ZNF385D: variants seen among roughly 807,000 people sequenced by gnomAD.
ZNF385D encodes zinc finger protein 659.
Under a neutral mutation model 35.8 loss-of-function variants are expected in ZNF385D, and 15 were observed. That is an observed-to-expected ratio of 0.42 (90% CI 0.28 to 0.64). The LOEUF (loss-of-function observed/expected upper bound fraction) is 0.64. Among genes scored for constraint, ZNF385D ranks in the 30% least tolerant of loss-of-function variants. The probability of loss-of-function intolerance (pLI) is 0.23; values close to 1 mark genes in which losing one functional copy is unlikely to be tolerated. For missense variants in ZNF385D, 474 were observed against 494.6 expected, an observed-to-expected ratio of 0.96 and a Z score of 0.39; for synonymous variants, 212 against 186.8, an observed-to-expected ratio of 1.13 and a Z score of -1.10.
rs183047692 is a variant in ZNF385D at position 21,550,996 on chromosome 3, T to C, written c.276+13578A>G. ...GTTACTTTATTATAGTTCAATAATA[T>C]GAATTTCTGTTTACACTTTTGACAT... is the stretch of plus-strand genomic sequence containing the variant. On this transcript the variant is annotated intron_variant, in intron 3 of 7. Coordinates refer to ENST00000281523, the MANE Select transcript of ZNF385D (RefSeq NM_024697.3). Among the ~76,000 whole-genome samples the C allele has an allele frequency of 1.4e-3, 217 of 152,332 alleles. 1 individual carries two copies. Among genetic ancestry groups the C allele is most frequent in the African/African-American group, 5.1e-3 (214 of 41,570 alleles).
intron 2 of ZNF385D, among the ~76,000 whole-genome samples, chr3:22,214,483 G>C (rs1697731329): frequency 6.6e-6 from 1 of 152,110 alleles, no homozygotes; most frequent in Non-Finnish European, 1.5e-5. Context: ...CGCTGAGCCA[G>C]GCGGAACAGA....
chr3:21,628,460 C>T (rs887604901), intron 2 of ZNF385D, among the ~76,000 whole-genome samples: 2 of 151,560 alleles, frequency 1.3e-5, no homozygotes, highest in Non-Finnish European at 2.9e-5. Flanking sequence ...CTAAAGGGTA[C>T]TCTTGGAGAA....
At chr3:22,123,989 TTGCTGACTGAACTCATCC>T (rs1469553445) in intron 3 of ZNF385D, among the ~76,000 whole-genome samples, 2 of 142,082 alleles carry the variant, frequency 1.4e-5, no homozygotes, top group Admixed American at 7.2e-5. Context: ...TATATATATA[TTGCTGACTGAACTCATCC>T]TGTTGTGCAA....
chr3:22,167,319 T>C (rs1414633711), intron 3 of ZNF385D, among the ~76,000 whole-genome samples: 1 of 152,140 alleles, frequency 6.6e-6, no homozygotes, highest in Non-Finnish European at 1.5e-5. Context: ...CACTCACAAA[T>C]ATATCAGCAT....
At position 21,782,555 on chromosome 3, in the gene ZNF385D, C is replaced by T. The variant is rs1418602341; in HGVS notation, c.326-117527G>A. 4.6e-5 allele frequency among the ~76,000 whole-genome samples: 7 copies of T among 152,182 alleles called. No individual in the cohort carries two copies. The East Asian group carries it at 9.7e-4, about 21-fold the overall frequency. ...TGTCATTTGTGTCTCCTTTTCCAAA[C>T]TGTATTTACCTTTAAACCTCTCCAG... On this transcript the variant is annotated intron_variant, in intron 3 of 5. Coordinates refer to the ZNF385D transcript ENST00000494108.
rs148278730 is a variant in ZNF385D at position 22,105,725 on chromosome 3, A to G, written c.325+63092T>C. ...ACCTTTTTGTTCTATTAAGGTCCTC[A>G]ATGATTGGGTGATGCCTACCAACAT... On this transcript the variant is annotated intron_variant, in intron 3 of 5. Coordinates refer to the ZNF385D transcript ENST00000494108. 5.3e-3 allele frequency among the ~76,000 whole-genome samples: 813 copies of G among 152,162 alleles called. 8 individuals are homozygous for G. The highest frequency in any genetic ancestry group is 0.018 in the African/African-American group (754 of 41,528).
At chr3:21,478,694 G>T (rs1428587328) in intron 4 of ZNF385D, among the ~76,000 whole-genome samples, 1 of 152,128 alleles carries the variant, frequency 6.6e-6, no homozygotes, top group Non-Finnish European at 1.5e-5. Context: ...TCAGATACTT[G>T]AAGTAGGATT....
At chr3:22,140,132 A>G (rs921957741) in intron 3 of ZNF385D, among the ~76,000 whole-genome samples, 1 of 152,240 alleles carries the variant, frequency 6.6e-6, no homozygotes, top group Admixed American at 6.6e-5. Context: ...ATTTCCTCAC[A>G]GAACTCTGTA....
chr3:21,439,448 T>C (rs943592281), intron 4 of ZNF385D, among the ~76,000 whole-genome samples: 13 of 152,114 alleles, frequency 8.5e-5, no homozygotes, highest in Admixed American at 5.2e-4. Flanking sequence ...ATACAGATAT[T>C]ATATTTAAAC....
intron 2 of ZNF385D, among the ~76,000 whole-genome samples, chr3:22,290,674 A>G (rs1343990954): frequency 6.6e-6 from 1 of 152,150 alleles, no homozygotes; most frequent in Non-Finnish European, 1.5e-5. Context: ...TGTCTTCAAC[A>G]AAGAACACTT....
chr3:21,684,000 T>C (rs2066999849), intron 1 of ZNF385D, among the ~76,000 whole-genome samples: 1 of 149,968 alleles, frequency 6.7e-6, no homozygotes, highest in South Asian at 2.1e-4. Context: ...TACAAAACTA[T>C]AAGCTAATAA....
chr3:21,973,763 C>T (rs1703419520), intron 3 of ZNF385D, among the ~76,000 whole-genome samples: 1 of 151,744 alleles, frequency 6.6e-6, no homozygotes, highest in East Asian at 1.9e-4. Context: ...AAAATCAGTA[C>T]CATTTCTATA....
intron 3 of ZNF385D, among the ~76,000 whole-genome samples, chr3:21,840,473 T>G (rs1233385566): frequency 6.6e-6 from 1 of 152,074 alleles, no homozygotes; most frequent in East Asian, 1.9e-4. Context: ...TTTGTCTAGT[T>G]GAATAGTGCT....
At chr3:21,822,718 G>A (rs995456879) in intron 3 of ZNF385D, among the ~76,000 whole-genome samples, 1 of 151,946 alleles carries the variant, frequency 6.6e-6, no homozygotes, top group African/African-American at 2.4e-5. Context: ...AATAACTGTG[G>A]AATACTTATA....
At chr3:21,584,131 G>C (rs375113668) in intron 2 of ZNF385D, among the ~76,000 whole-genome samples, 1 of 151,674 alleles carries the variant, frequency 6.6e-6, no homozygotes, top group Non-Finnish European at 1.5e-5. Context: ...ACACCACCAC[G>C]CTAGGCTAAT....
intron 2 of ZNF385D, among the ~76,000 whole-genome samples, chr3:22,328,577 A>C (rs1694781828): frequency 6.6e-6 from 1 of 151,876 alleles, no homozygotes; most frequent in Admixed American, 6.6e-5. Context: ...ATCCTGGCCA[A>C]CACGGTGAAA....
intron 1 of ZNF385D, among the ~76,000 whole-genome samples, chr3:21,694,943 A>G (rs1040900705): frequency 6.6e-6 from 1 of 152,222 alleles, no homozygotes; most frequent in Non-Finnish European, 1.5e-5. Flanking sequence ...GGAAGCATGC[A>G]TCAGCTTGGC....
chr3:21,484,562 C>CT (rs1405170956), intron 4 of ZNF385D, among the ~76,000 whole-genome samples: 35 of 152,254 alleles, frequency 2.3e-4, no homozygotes, highest in African/African-American at 8.4e-4. Context: ...TGTAAAGGGT[C>CT]TAGATCCATT....
intron 3 of ZNF385D, among the ~76,000 whole-genome samples, chr3:21,856,774 C>A (rs1229469259): frequency 6.6e-6 from 1 of 152,030 alleles, no homozygotes; most frequent in Non-Finnish European, 1.5e-5. Context: ...ACGTGAGGAA[C>A]AACCAGCTCA....
Sources: allele counts gnomAD v4.1 joint callset (sites outside exome capture counted in the v4.1 genomes callset), GRCh38; gene constraint gnomAD v4.1.1; transcripts MANE v1.5; gene names NCBI Gene and HGNC (gene_info 2026-07-23, HGNC 2026-07-21).